KCNT2: variants seen among roughly 807,000 people sequenced by gnomAD.
KCNT2 encodes potassium sodium-activated channel subfamily T member 2.
KCNT2 carries 67 observed loss-of-function variants against 153.8 expected under a neutral mutation model. The observed-to-expected ratio is 0.44, with a 90% CI of 0.36 to 0.53. KCNT2 has a LOEUF of 0.53. KCNT2 is among the 20% of genes least tolerant of loss of function. The pLI, the probability that KCNT2 is intolerant of heterozygous loss-of-function variation, is 0.00. For missense variants in KCNT2, 975 were observed against 1,354.8 expected (o/e 0.72, Z 4.40); for synonymous variants, 500 against 458.8 (o/e 1.09, Z -1.15).
intron 14 of KCNT2, among the ~76,000 whole-genome samples, chr1:196,352,786 A>C (rs1454995596): frequency 2.0e-5 from 3 of 151,752 alleles, no homozygotes; most frequent in Admixed American, 6.6e-5. Flanking sequence ...TAGTTCTTTT[A>C]ATTGTGATGT....
At chr1:196,494,007 C>A (rs572731852) in intron 1 of KCNT2, among the ~76,000 whole-genome samples, 1 of 152,164 alleles carries the variant, frequency 6.6e-6, no homozygotes, top group Non-Finnish European at 1.5e-5. Context: ...GCAATGATAT[C>A]TTTTAGCAGA....
intron 1 of KCNT2, among the ~76,000 whole-genome samples, chr1:196,564,400 A>G (rs1296357714): frequency 6.6e-6 from 1 of 151,928 alleles, no homozygotes; most frequent in African/African-American, 2.4e-5. Flanking sequence ...TATAATAATT[A>G]ATATTGCTAA....
intron 26 of KCNT2, among the ~76,000 whole-genome samples, chr1:196,252,423 G>A (rs187934184): frequency 5.3e-5 from 8 of 151,676 alleles, no homozygotes; most frequent in African/African-American, 1.2e-4. Flanking sequence ...TATTTCTCAC[G>A]CTATAGAGTT....
intron 27 of KCNT2, among the ~76,000 whole-genome samples, chr1:196,235,103 C>A (rs1035190272): frequency 3.3e-5 from 5 of 151,334 alleles, no homozygotes; most frequent in African/African-American, 1.2e-4. Context: ...CACGTAAGAC[C>A]TTTCCAGAGG....
At chr1:196,373,319 A>G in intron 13 of KCNT2, 71 bp from the exon 14 acceptor site, 1 of 721,104 alleles carries the variant, frequency 1.4e-6, no homozygotes, top group South Asian at 1.6e-5. Flanking sequence ...AAAATAAAAC[A>G]AAATGAATAA....
chr1:196,291,032 C>T (rs1660140408), intron 22 of KCNT2, among the ~76,000 whole-genome samples: 1 of 152,136 alleles, frequency 6.6e-6, no homozygotes, highest in Non-Finnish European at 1.5e-5. Flanking sequence ...CTTTTCAGTA[C>T]TTCCCAGCAG....
chr1:196,591,319 G>GA (rs780929319), intron 1 of KCNT2, among the ~76,000 whole-genome samples: 7 of 151,976 alleles, frequency 4.6e-5, no homozygotes, highest in Non-Finnish European at 5.9e-5. Flanking sequence ...GCCCTCCCCA[G>GA]AAAAAGGATG....
At chr1:196,491,674 T>C (rs1679872643) in intron 2 of KCNT2, among the ~76,000 whole-genome samples, 1 of 152,036 alleles carries the variant, frequency 6.6e-6, no homozygotes, top group Non-Finnish European at 1.5e-5. Context: ...CAATTTTGTA[T>C]TCTTGAAGTT....
In KCNT2 at chr1:196,467,772, G is replaced by C; in HGVS notation, c.474C>G (p.Ser158=). The change falls in exon 7 of 28, where the codon TCC becomes TCG. Residue 158 remains serine, a synonymous_variant. Transcript: ENST00000294725. ...AGACTGGGACAAATAGATTCCTTAA[G>C]GAAGGCCAGAATATCTGGAAAACAA... ...VPFIISIFWP[S]LRNLFVPVFL... 1 of 1,600,792 alleles carries C rather than the reference G, an allele frequency of 6.2e-7. No homozygotes were observed. Among genetic ancestry groups the C allele is most frequent in the Non-Finnish European group, 8.5e-7 (1 of 1,171,118 alleles).
At chr1:196,428,296 G>A in intron 9 of KCNT2, 27 bp from the exon 10 acceptor site, 1 of 1,532,896 alleles carries the variant, frequency 6.5e-7, no homozygotes, top group Non-Finnish European at 9.0e-7. Context: ...ACATGTGAAT[G>A]AAAAACACAG....
chr1:196,384,570 G>T (rs1229922034), intron 13 of KCNT2, among the ~76,000 whole-genome samples: 1 of 151,936 alleles, frequency 6.6e-6, no homozygotes, highest in Non-Finnish European at 1.5e-5. Context: ...GGTGGTGCAC[G>T]CTAATGGGTG....
At chr1:196,282,158 G>T in intron 24 of KCNT2, 115 bp downstream of exon 24, 1 of 514,448 alleles carries the variant, frequency 1.9e-6, no homozygotes, top group South Asian at 4.0e-5. Context: ...AAATGCATCT[G>T]GATTCACAAT....
At chr1:196,362,554 A>T (rs957734423) in intron 14 of KCNT2, among the ~76,000 whole-genome samples, 1 of 152,090 alleles carries the variant, frequency 6.6e-6, no homozygotes, top group Non-Finnish European at 1.5e-5. Flanking sequence ...AAGAGAAAAA[A>T]GCATTGCTTT....
chr1:196,354,427 C>T (rs1366543444), intron 14 of KCNT2, among the ~76,000 whole-genome samples: 2 of 151,632 alleles, frequency 1.3e-5, no homozygotes, highest in African/African-American at 4.8e-5. Context: ...TATTATCAAA[C>T]TAAGTTATCT....
intron 12 of KCNT2, among the ~76,000 whole-genome samples, chr1:196,422,046 C>T (rs1246663222): frequency 6.6e-6 from 1 of 152,020 alleles, no homozygotes; most frequent in Non-Finnish European, 1.5e-5. Flanking sequence ...TGCTGAGGTA[C>T]TAAGGGTTGG....
chr1:196,602,819 G>C (rs1190648261), intron 1 of KCNT2, among the ~76,000 whole-genome samples: 2 of 109,522 alleles, frequency 1.8e-5, no homozygotes, highest in African/African-American at 7.2e-5. Context: ...TCGCTCTGTC[G>C]CCCAGGCCGG....
At position 196,575,752 on chromosome 1, in the gene KCNT2, C is replaced by A. The variant is rs542732161; in HGVS notation, c.95+32463G>T. On this transcript the variant is annotated intron_variant, in intron 1 of 27. Coordinates refer to ENST00000294725, the MANE Select transcript of KCNT2 (RefSeq NM_198503.5). ...CCTGTACTTGGGAGGCTAAGGCTGG[C>A]GGATCACCTGAGGTCAGGAATTCCA... 1.4e-4 allele frequency among the ~76,000 whole-genome samples: 21 copies of A among 151,468 alleles called. No individual in the cohort carries two copies. In the South Asian group the frequency reaches 4.4e-3, roughly 32 times the overall value.
intron 8 of KCNT2, among the ~76,000 whole-genome samples, chr1:196,454,960 C>T (rs1240168946): frequency 6.6e-6 from 1 of 151,896 alleles, no homozygotes; most frequent in Non-Finnish European, 1.5e-5. Context: ...AGTTCAGTTC[C>T]ATGTGATTGT....
At chr1:196,448,784 A>T (rs1212421155) in intron 8 of KCNT2, among the ~76,000 whole-genome samples, 1 of 151,680 alleles carries the variant, frequency 6.6e-6, no homozygotes, top group Non-Finnish European at 1.5e-5. Flanking sequence ...GTACACCAAG[A>T]TATCTTCAAA....
Sources: allele counts gnomAD v4.1 joint callset (sites outside exome capture counted in the v4.1 genomes callset), GRCh38; gene constraint gnomAD v4.1.1; transcripts MANE v1.5; gene names NCBI Gene and HGNC (gene_info 2026-07-23, HGNC 2026-07-21).